Variants in EPHA7 observed in about 807,000 individuals in gnomAD.
EPHA7 encodes EPH receptor A7.
A neutral mutation model predicts 112.6 loss-of-function variants in EPHA7; 25 were observed. The observed-to-expected ratio is 0.22, with a 90% CI of 0.16 to 0.31. The LOEUF (loss-of-function observed/expected upper bound fraction) is 0.31, where lower values mean the gene tolerates loss of function less well. EPHA7 is among the 10% of genes least tolerant of loss of function. The probability of loss-of-function intolerance (pLI) is 1.00; values close to 1 mark genes in which losing one functional copy is unlikely to be tolerated. For synonymous variants in EPHA7, 437 were observed against 406.5 expected (o/e 1.07, Z -0.90); for missense variants, 962 against 1,212.6 (o/e 0.79, Z 3.07).
chr6:93,302,276 T>A (rs1003044222), intron 5 of EPHA7, among the ~76,000 whole-genome samples: 1 of 152,164 alleles, frequency 6.6e-6, no homozygotes, highest in African/African-American at 2.4e-5. Context: ...CACTGACATT[T>A]TTACTGATAC....
chr6:93,336,938 T>C (rs1387883143), intron 5 of EPHA7, among the ~76,000 whole-genome samples: 1 of 151,948 alleles, frequency 6.6e-6, no homozygotes, highest in African/African-American at 2.4e-5. Flanking sequence ...AGCCAACCTA[T>C]TCCTTTTGTT....
chr6:93,297,328 T>C (rs147668386), intron 5 of EPHA7, among the ~76,000 whole-genome samples: 2 of 152,034 alleles, frequency 1.3e-5, no homozygotes. Context: ...CTACATGAAC[T>C]AGGCATAGCT....
At chr6:93,260,440 T>G in intron 9 of EPHA7, 1 of 641,418 alleles carries the variant, frequency 1.6e-6, no homozygotes, top group South Asian at 7.0e-5. Context: ...GATAGGCATA[T>G]ATTTGGTTAT....
intron 5 of EPHA7, among the ~76,000 whole-genome samples, chr6:93,310,404 C>A (rs868171758): frequency 6.6e-6 from 1 of 152,164 alleles, no homozygotes; most frequent in African/African-American, 2.4e-5. Flanking sequence ...CGGTGGCTCA[C>A]GCCTGTAATC....
chr6:93,324,720 C>G (rs545551533), intron 5 of EPHA7, among the ~76,000 whole-genome samples: 9 of 151,478 alleles, frequency 5.9e-5, no homozygotes, highest in African/African-American at 2.2e-4. Context: ...ATCAAGGGTG[C>G]CTTCAACACG....
intron 5 of EPHA7, among the ~76,000 whole-genome samples, chr6:93,354,221 A>T (rs1775831011): frequency 6.6e-6 from 1 of 152,082 alleles, no homozygotes; most frequent in Non-Finnish European, 1.5e-5. Context: ...CAAAGTCTCA[A>T]ATCACCCCCC....
At chr6:93,378,121 T>G (rs556516631) in intron 3 of EPHA7, among the ~76,000 whole-genome samples, 1 of 152,008 alleles carries the variant, frequency 6.6e-6, no homozygotes, top group South Asian at 2.1e-4. Flanking sequence ...AGACAATTCA[T>G]AGGCAAATAA....
At chr6:93,335,647 A>G (rs1039164514) in intron 5 of EPHA7, among the ~76,000 whole-genome samples, 1 of 152,018 alleles carries the variant, frequency 6.6e-6, no homozygotes, top group Non-Finnish European at 1.5e-5. Flanking sequence ...AATCATCCAC[A>G]GTTTTCATTT....
At chr6:93,415,524 C>T (rs73534126) in intron 1 of EPHA7, among the ~76,000 whole-genome samples, 1,602 of 151,990 alleles carry the variant, frequency 0.011, 14 homozygotes, top group African/African-American at 0.036. Flanking sequence ...GTTATAAATG[C>T]TCCTGATACT....
chr6:93,390,756 A>G (rs1777865555), intron 3 of EPHA7, among the ~76,000 whole-genome samples: 1 of 151,884 alleles, frequency 6.6e-6, no homozygotes, highest in South Asian at 2.1e-4. Context: ...AATGGAGTTG[A>G]AAATGCATTG....
intron 5 of EPHA7, among the ~76,000 whole-genome samples, chr6:93,305,797 C>G (rs1319430282): frequency 6.6e-6 from 1 of 151,756 alleles, no homozygotes; most frequent in Non-Finnish European, 1.5e-5. Flanking sequence ...GCAAACTTAT[C>G]TGTCAGAAGA....
chr6:93,386,036 G>T (rs1432691969), intron 3 of EPHA7, among the ~76,000 whole-genome samples: 3 of 152,084 alleles, frequency 2.0e-5, no homozygotes, highest in Non-Finnish European at 4.4e-5. Flanking sequence ...AACACATAGG[G>T]ATTACAATTC....
chr6:93,336,340 G>C (rs553316294), intron 5 of EPHA7, among the ~76,000 whole-genome samples: 1 of 152,122 alleles, frequency 6.6e-6, no homozygotes, highest in Non-Finnish European at 1.5e-5. Context: ...GATTTCATGT[G>C]TATCTCACTT....
chr6:93,242,392 GA>G lies in EPHA7; in HGVS notation c.*1033del, dbSNP rs1769727521. The G allele has an allele frequency of 1.0e-5, 2 of 195,858 alleles. No homozygotes were observed. Among genetic ancestry groups the G allele is most frequent in the African/African-American group, 4.6e-5 (2 of 43,258 alleles). 12.1% of individuals were successfully genotyped at this position (195,858 alleles called of 1,614,324 possible). On this transcript the variant is annotated 3_prime_UTR_variant, in exon 17 of 17. Coordinates refer to ENST00000369303, the MANE Select transcript of EPHA7 (RefSeq NM_004440.4). ...AAACAATTATTTCCTTTCATGTTTG[GA>G]CTGCATTCAACAGAAGAGGATATAA...
chr6:93,379,865 T>A (rs937076169), intron 3 of EPHA7, among the ~76,000 whole-genome samples: 4 of 152,018 alleles, frequency 2.6e-5, no homozygotes, highest in African/African-American at 9.7e-5. Flanking sequence ...GTTCTGAAAT[T>A]TAGAGATTCT....
chr6:93,381,302 T>C (rs568546934), intron 3 of EPHA7, among the ~76,000 whole-genome samples: 4 of 152,298 alleles, frequency 2.6e-5, no homozygotes, highest in Non-Finnish European at 5.9e-5. Flanking sequence ...ACTGTATAAT[T>C]AAGTGATACC....
intron 5 of EPHA7, among the ~76,000 whole-genome samples, chr6:93,283,398 T>G (rs1771873858): frequency 6.6e-6 from 1 of 152,120 alleles, no homozygotes. Context: ...GAGCCAGCAG[T>G]GGCAATCCTC....
intron 3 of EPHA7, among the ~76,000 whole-genome samples, chr6:93,368,331 T>G (rs940107813): frequency 6.6e-6 from 1 of 152,146 alleles, no homozygotes; most frequent in African/African-American, 2.4e-5. Context: ...TAGCATTTCA[T>G]CAATGTGAAA....
At chr6:93,357,820 A>G (rs1446975787) in intron 4 of EPHA7, among the ~76,000 whole-genome samples, 1 of 151,886 alleles carries the variant, frequency 6.6e-6, no homozygotes, top group Non-Finnish European at 1.5e-5. Flanking sequence ...CTCCCAGCTA[A>G]TTTTTGTATT....
Sources: allele counts gnomAD v4.1 joint callset (sites outside exome capture counted in the v4.1 genomes callset), GRCh38; gene constraint gnomAD v4.1.1; transcripts MANE v1.5; gene names NCBI Gene and HGNC (gene_info 2026-07-23, HGNC 2026-07-21).